ATAD2B: variants seen among roughly 807,000 people sequenced by gnomAD.
The protein encoded by ATAD2B is ATPase family AAA domain-containing protein 2B.
A neutral mutation model predicts 167.6 loss-of-function variants in ATAD2B; 40 were observed. The ratio of observed to expected loss-of-function variants is 0.24; its 90% CI spans 0.19 to 0.31. The LOEUF is 0.31. Ranked by LOEUF, ATAD2B falls within the 10% of genes least tolerant of loss-of-function variation. The pLI is 1.00. For synonymous variants in ATAD2B, 579 were observed against 596.5 expected (o/e 0.97, Z 0.43); for missense variants, 1,242 against 1,757.2 (o/e 0.71, Z 5.24).
chr2:23,684,321 GA>G, the ATAD2B span: 4 of 1,130,290 alleles, frequency 3.5e-6, no homozygotes, highest in Middle Eastern at 3.1e-4. This position sits in a 1 kb window ranked among gnomAD's most constrained non-coding sequence, Gnocchi z 4.4. Flanking sequence ...CTTGAAAAAA[GA>G]AAAAAAACTT....
the ATAD2B span, among the ~76,000 whole-genome samples, chr2:23,721,898 C>G: frequency 6.6e-6 from 1 of 152,258 alleles, no homozygotes; most frequent in Non-Finnish European, 1.5e-5. Flanking sequence ...ATCTGAGAAG[C>G]AGGCTGGTGA....
At chr2:23,891,037 T>G (rs1699402409) in intron 2 of ATAD2B, among the ~76,000 whole-genome samples, 1 of 151,750 alleles carries the variant, frequency 6.6e-6, no homozygotes, top group East Asian at 1.9e-4. Flanking sequence ...TTTTTTTTTT[T>G]TGAGGTGGAG....
rs371312770 is a variant in ATAD2B at position 23,767,416 on chromosome 2, G to A, written c.3134-1788C>T. On this transcript the variant is annotated intron_variant, in intron 22 of 27. Transcript: ENST00000238789. ...GTGGGCGCCCACCATTACTCCATCTGTAAGGGTGCACCCTTCTATAGAAAA... is the reference window on the plus strand; with the variant it reads ...GTGGGCGCCCACCATTACTCCATCTATAAGGGTGCACCCTTCTATAGAAAA... Among the ~76,000 whole-genome samples the A allele has an allele frequency of 4.6e-5, 7 of 152,224 alleles. No homozygotes were observed. The East Asian group carries it at 7.7e-4, about 17-fold the overall frequency.
At chr2:23,680,718 GGT>G in the ATAD2B span, among the ~76,000 whole-genome samples, 5 of 151,748 alleles carry the variant, frequency 3.3e-5, no homozygotes, top group South Asian at 2.1e-4. This position sits in a 1 kb window ranked among gnomAD's most constrained non-coding sequence, Gnocchi z 4.1. Flanking sequence ...CTTCCCCTGG[GGT>G]CTCTAGGCCA....
At chr2:23,703,583 G>C in the ATAD2B span, 1 of 1,204,662 alleles carries the variant, frequency 8.3e-7, no homozygotes, top group East Asian at 2.6e-5. Flanking sequence ...CCTAGGCCCC[G>C]GACCCATCCC....
intron 12 of ATAD2B, among the ~76,000 whole-genome samples, chr2:23,861,002 C>G (rs753556437): frequency 1.3e-5 from 2 of 151,824 alleles, no homozygotes; most frequent in African/African-American, 4.8e-5. Flanking sequence ...AATTCAACTA[C>G]AAGATAGGGG....
chr2:23,680,761 C>T, the ATAD2B span, among the ~76,000 whole-genome samples: 1 of 151,624 alleles, frequency 6.6e-6, no homozygotes. The surrounding 1 kb of genome is among the most constrained non-coding windows in gnomAD (Gnocchi z 4.1). Flanking sequence ...GCCATCTTCT[C>T]CTGGGGTCTC....
At chr2:23,845,691 C>T (rs989916578) in intron 13 of ATAD2B, among the ~76,000 whole-genome samples, 5 of 151,010 alleles carry the variant, frequency 3.3e-5, no homozygotes, top group African/African-American at 1.2e-4. Context: ...GCAATCCTCC[C>T]ACCTCAACCT....
the ATAD2B span, among the ~76,000 whole-genome samples, chr2:23,699,380 C>T: frequency 7.2e-5 from 11 of 152,182 alleles, no homozygotes; most frequent in African/African-American, 1.9e-4. Flanking sequence ...GCATGGTGGG[C>T]GGTAGATGTG....
At chr2:23,925,602 C>T (rs1322009074) in intron 1 of ATAD2B, among the ~76,000 whole-genome samples, 2 of 152,164 alleles carry the variant, frequency 1.3e-5, no homozygotes, top group Non-Finnish European at 2.9e-5. Flanking sequence ...AATTCAGAAA[C>T]AATCTCATAG....
At chr2:23,872,731 C>G in intron 8 of ATAD2B, 1 of 1,066,720 alleles carries the variant, frequency 9.4e-7, no homozygotes, top group Non-Finnish European at 1.4e-6. Flanking sequence ...CAGTCAGACC[C>G]CCATAGTGCT....
At chr2:23,736,652 G>A in the ATAD2B span, among the ~76,000 whole-genome samples, 1 of 152,286 alleles carries the variant, frequency 6.6e-6, no homozygotes, top group East Asian at 1.9e-4. Flanking sequence ...ATTTCCAACT[G>A]AGGTACCAGG....
Position 23,911,894 on chromosome 2 carries a change from G to A in ATAD2B, c.216+14661C>T, listed in dbSNP as rs1409122064. Among the ~76,000 whole-genome samples, 4 of 150,078 alleles carry A rather than the reference G, an allele frequency of 2.7e-5. No homozygotes were observed. The South Asian group carries it at 6.3e-4, about 24-fold the overall frequency. ...GGAGGCTGGGGCAGGAGAATTGCTC[G>A]AACCTGGGAGGCTGCGGTTGCAGTG... On this transcript the variant is annotated intron_variant, in intron 1 of 27. Transcript: ENST00000238789.
chr2:23,703,875 CG>C, the ATAD2B span: 1 of 1,532,972 alleles, frequency 6.5e-7, no homozygotes, highest in Non-Finnish European at 8.7e-7. Flanking sequence ...TGAGAGGCTG[CG>C]GCGCCTTGAC....
chr2:23,886,619 T>C (rs973123759), intron 4 of ATAD2B, among the ~76,000 whole-genome samples: 1 of 152,170 alleles, frequency 6.6e-6, no homozygotes, highest in African/African-American at 2.4e-5. Flanking sequence ...GAAATTCAAG[T>C]AGAACACTGA....
At chr2:23,798,777 A>G (rs1683003746) in intron 18 of ATAD2B, among the ~76,000 whole-genome samples, 1 of 152,228 alleles carries the variant, frequency 6.6e-6, no homozygotes, top group Non-Finnish European at 1.5e-5. Flanking sequence ...CATACAATAT[A>G]TAATCATTTT....
At chr2:23,816,680 CTTCT>C (rs937434864) in intron 17 of ATAD2B, among the ~76,000 whole-genome samples, 2 of 152,088 alleles carry the variant, frequency 1.3e-5, no homozygotes, top group African/African-American at 4.8e-5. Context: ...TCTTTATGCT[CTTCT>C]TTATTACTTG....
At chr2:23,786,304 T>C in intron 20 of ATAD2B, 81 bp from the exon 21 acceptor site, 1 of 1,143,604 alleles carries the variant, frequency 8.7e-7, no homozygotes, top group African/African-American at 1.6e-5. Context: ...AAATGTTCTT[T>C]AAAGAAAAGA....
At chr2:23,729,758 T>TAGCTAC in the ATAD2B span, among the ~76,000 whole-genome samples, 6 of 152,200 alleles carry the variant, frequency 3.9e-5, no homozygotes, top group Admixed American at 6.5e-5. Flanking sequence ...GAAGTAGCTA[T>TAGCTAC]ATTAGTAATA....
Sources: allele counts gnomAD v4.1 joint callset (sites outside exome capture counted in the v4.1 genomes callset), GRCh38; gene constraint gnomAD v4.1.1; non-coding constraint Gnocchi (gnomAD v3.1); transcripts MANE v1.5; gene names NCBI Gene and HGNC (gene_info 2026-07-23, HGNC 2026-07-21).